Variants in COLEC10 observed in about 807,000 individuals in gnomAD.
COLEC10 encodes collectin-10.
COLEC10 carries 22 observed loss-of-function variants against 28.4 expected under a neutral mutation model. The observed-to-expected ratio is 0.78, with a 90% CI of 0.55 to 1.11. The LOEUF (loss-of-function observed/expected upper bound fraction) is 1.11, where lower values mean the gene tolerates loss of function less well. Ranked by LOEUF, COLEC10 falls within the 50% of genes least tolerant of loss-of-function variation. The pLI is 0.00. For missense variants in COLEC10, 361 were observed against 344.1 expected, an observed-to-expected ratio of 1.05 and a Z score of -0.39; for synonymous variants, 125 against 116.1, an observed-to-expected ratio of 1.08 and a Z score of -0.49.
intron 1 of COLEC10, among the ~76,000 whole-genome samples, chr8:119,083,501 A>G (rs1040072917): frequency 1.3e-5 from 2 of 152,194 alleles, no homozygotes; most frequent in African/African-American, 4.8e-5. Context: ...ACTGAAGCCC[A>G]GGGAGTGGAT....
the COLEC10 span, among the ~76,000 whole-genome samples, chr8:118,958,885 G>T: frequency 1.3e-5 from 2 of 152,152 alleles, no homozygotes; most frequent in Non-Finnish European, 2.9e-5. Flanking sequence ...GTATATAAAT[G>T]GGCTTGTCCT....
intron 2 of COLEC10, among the ~76,000 whole-genome samples, chr8:119,028,533 C>T (rs1374346363): frequency 6.6e-6 from 1 of 152,046 alleles, no homozygotes; most frequent in Non-Finnish European, 1.5e-5. Context: ...ATAAACCCAT[C>T]AGATCTCGTG....
intron 1 of COLEC10, among the ~76,000 whole-genome samples, chr8:119,084,875 C>A (rs539854250): frequency 6.6e-6 from 1 of 152,072 alleles, no homozygotes; most frequent in South Asian, 2.1e-4. Context: ...GTAAAAAAAA[C>A]ACAGCCAAGT....
chr8:119,106,091 A>G lies in COLEC10; in HGVS notation c.734A>G (p.His245Arg), dbSNP rs1448390519. Residue 245 changes from histidine to arginine, a missense_variant, in exon 6 of 6, where the codon CAT becomes CGT. His to Arg is a conservative substitution (Grantham distance 29). Transcript: ENST00000332843. ...NEGEPSDPYGHEDCVEMLSSG... is the reference protein window; with the variant it reads ...NEGEPSDPYGREDCVEMLSSG... Reference sequence around the variant, plus strand: ...GGGGAACCCAGCGACCCCTATGGTCATGAGGACTGTGTGGAGATGCTGAGC... The same window carrying G: ...GGGGAACCCAGCGACCCCTATGGTCGTGAGGACTGTGTGGAGATGCTGAGC... The G allele has an allele frequency of 1.2e-6, 2 of 1,613,904 alleles. No individual in the cohort carries two copies. The highest frequency in any genetic ancestry group is 8.5e-7 in the Non-Finnish European group (1 of 1,179,866).
At chr8:119,099,040 A>C (rs1040101871) in intron 3 of COLEC10, among the ~76,000 whole-genome samples, 7 of 152,130 alleles carry the variant, frequency 4.6e-5, no homozygotes, top group South Asian at 4.1e-4. Flanking sequence ...AAGAAATAAT[A>C]GTGATTTAGT....
At chr8:118,953,837 G>A in the COLEC10 span, among the ~76,000 whole-genome samples, 1 of 152,242 alleles carries the variant, frequency 6.6e-6, no homozygotes, top group South Asian at 2.1e-4. Flanking sequence ...TCCTAGCTCT[G>A]TGACCTCAGA....
upstream of COLEC10, among the ~76,000 whole-genome samples, chr8:118,990,521 C>G (rs555701031): frequency 6.6e-6 from 1 of 152,104 alleles, no homozygotes; most frequent in Non-Finnish European, 1.5e-5. Flanking sequence ...AGTTAACACA[C>G]AGTAATACGT....
intron 2 of COLEC10, among the ~76,000 whole-genome samples, chr8:119,037,082 A>C (rs1814402501): frequency 6.6e-6 from 1 of 152,208 alleles, no homozygotes. Flanking sequence ...CTGAAGGGGC[A>C]AAAAATCCAA....
the COLEC10 span, among the ~76,000 whole-genome samples, chr8:118,957,424 T>A: frequency 6.6e-6 from 1 of 152,156 alleles, no homozygotes; most frequent in Admixed American, 6.5e-5. Flanking sequence ...CCCCTTTTGA[T>A]CAGACAATGG....
chr8:118,998,176 A>G (rs1249119508), intron 1 of COLEC10, among the ~76,000 whole-genome samples: 1 of 136,580 alleles, frequency 7.3e-6, no homozygotes, highest in Non-Finnish European at 1.5e-5. Context: ...AGAAAAAAAT[A>G]TAAAGATTTT....
rs574640085 is a variant in COLEC10, at chr8:119,024,222, A to G, written n.235+14669A>G. Among the ~76,000 whole-genome samples, 3 of 152,284 alleles carry G rather than the reference A, an allele frequency of 2.0e-5. No homozygotes were observed. In the South Asian group the frequency reaches 6.2e-4, roughly 32 times the overall value. On this transcript the variant is annotated intron_variant and non_coding_transcript_variant, in intron 2 of 6. Transcript: ENST00000521788. ...GGTACCTTGAAGAAAGACAAAGTTG[A>G]TGGGTACCATTCATAGAACATTCCT... is the stretch of plus-strand genomic sequence containing the variant.
chr8:118,971,828 G>T, the COLEC10 span, among the ~76,000 whole-genome samples: 1 of 151,924 alleles, frequency 6.6e-6, no homozygotes, highest in Non-Finnish European at 1.5e-5. Context: ...AAAAATTTCA[G>T]TTTTACCACC....
chr8:119,017,620 T>C (rs1361478341), intron 2 of COLEC10, among the ~76,000 whole-genome samples: 2 of 152,170 alleles, frequency 1.3e-5, no homozygotes, highest in Admixed American at 6.5e-5. Context: ...GAAATTGCTG[T>C]CATATATCAC....
In COLEC10 at chr8:119,091,235, A is replaced by G; in HGVS notation, c.292+15A>G. ...TGGGAAGAAGGGTAAGTTGCATCTT[A>G]CTATTCTCCAGTAGCAATTCAAAGC... is the stretch of plus-strand genomic sequence containing the variant. On this transcript the variant is annotated intron_variant, in intron 3 of 5. Coordinates refer to ENST00000332843, the MANE Select transcript of COLEC10 (RefSeq NM_006438.5). 1 of 1,602,488 alleles carries G rather than the reference A, an allele frequency of 6.2e-7. No individual in the cohort carries two copies. The highest frequency in any genetic ancestry group is 8.5e-7 in the Non-Finnish European group (1 of 1,170,340).
chr8:119,056,530 C>CA (rs1295002273), intron 2 of COLEC10, among the ~76,000 whole-genome samples: 1 of 151,954 alleles, frequency 6.6e-6, no homozygotes, highest in Non-Finnish European at 1.5e-5. Flanking sequence ...AAGCTCCATG[C>CA]AAAAAATAGT....
At chr8:119,098,340 A>C (rs945871326) in intron 3 of COLEC10, among the ~76,000 whole-genome samples, 3 of 152,100 alleles carry the variant, frequency 2.0e-5, no homozygotes, top group African/African-American at 7.2e-5. Context: ...ATGAACTTCC[A>C]GAGATGTTGA....
chr8:118,991,108 CATATA>C (rs562963634), upstream of COLEC10, among the ~76,000 whole-genome samples: 13 of 152,104 alleles, frequency 8.5e-5, no homozygotes, highest in South Asian at 2.7e-3. Flanking sequence ...AATTATTAAT[CATATA>C]ATAAATACAC....
chr8:118,978,344 C>T, the COLEC10 span, among the ~76,000 whole-genome samples: 1 of 152,032 alleles, frequency 6.6e-6, no homozygotes, highest in East Asian at 1.9e-4. Context: ...TCTCAAATAT[C>T]CAACCAAAAT....
chr8:119,093,222 A>G (rs1347641963), intron 3 of COLEC10, among the ~76,000 whole-genome samples: 1 of 152,180 alleles, frequency 6.6e-6, no homozygotes, highest in Non-Finnish European at 1.5e-5. Context: ...AGGCAGGTTG[A>G]CAGACTGTGG....
Sources: allele counts gnomAD v4.1 joint callset (sites outside exome capture counted in the v4.1 genomes callset), GRCh38; gene constraint gnomAD v4.1.1; transcripts MANE v1.5; gene names NCBI Gene and HGNC (gene_info 2026-07-23, HGNC 2026-07-21).